Variants in ROS1 observed in about 807,000 individuals in gnomAD.
ROS1 encodes the protein ROS proto-oncogene 1, receptor tyrosine kinase.
A neutral mutation model predicts 273.5 loss-of-function variants in ROS1; 263 were observed. The ratio of observed to expected loss-of-function variants is 0.96; its 90% CI spans 0.87 to 1.06. The LOEUF is 1.06. ROS1 is among the 50% of genes least tolerant of loss of function. The pLI, the probability that ROS1 is intolerant of heterozygous loss-of-function variation, is 0.00. For synonymous variants in ROS1, 1,008 were observed against 954.1 expected (o/e 1.06, Z -1.04); for missense variants, 2,833 against 2,751.1 (o/e 1.03, Z -0.67).
At chr6:117,311,202 T>C (rs113375607) in intron 39 of ROS1, 85 bp from the exon 40 acceptor site, 2 of 687,202 alleles carry the variant, frequency 2.9e-6, no homozygotes, top group Non-Finnish European at 5.0e-6. Context: ...AGTGGATACA[T>C]GTATATGCAT....
intron 43 of ROS1, among the ~76,000 whole-genome samples, chr6:117,299,930 T>C (rs1304037871): frequency 1.3e-5 from 2 of 150,058 alleles, no homozygotes; most frequent in African/African-American, 4.9e-5. Flanking sequence ...TTATCTTTTT[T>C]TTTTTTTTTT....
chr6:117,381,961 C>A (rs746804047), intron 17 of ROS1, among the ~76,000 whole-genome samples: 1 of 151,974 alleles, frequency 6.6e-6, no homozygotes, highest in Non-Finnish European at 1.5e-5. Flanking sequence ...TGGGGAAGTC[C>A]CCAAGGTCAC....
chr6:117,398,086 G>A (rs889349543), intron 7 of ROS1, among the ~76,000 whole-genome samples: 5 of 151,688 alleles, frequency 3.3e-5, no homozygotes, highest in Admixed American at 6.6e-5. Context: ...ATCACTCCTC[G>A]GCTCCATGTA....
chr6:117,410,277 G>GC (rs1774797415), intron 4 of ROS1, among the ~76,000 whole-genome samples: 1 of 152,136 alleles, frequency 6.6e-6, no homozygotes, highest in South Asian at 2.1e-4. Flanking sequence ...TTATCTGCTT[G>GC]CCATTTTGGT....
intron 35 of ROS1, among the ~76,000 whole-genome samples, chr6:117,323,540 C>T (rs1367956068): frequency 6.6e-6 from 1 of 151,988 alleles, no homozygotes; most frequent in African/African-American, 2.4e-5. Flanking sequence ...AGATAGGGGT[C>T]CATATATCTT....
At chr6:117,316,300 G>T (rs907641868) in intron 39 of ROS1, among the ~76,000 whole-genome samples, 56 of 39,124 alleles carry the variant, frequency 1.4e-3, no homozygotes, top group African/African-American at 3.5e-3. Context: ...AGATACATGC[G>T]GGGCCTGAGA....
intron 43 of ROS1, among the ~76,000 whole-genome samples, chr6:117,295,628 C>G (rs1774177186): frequency 6.6e-6 from 1 of 152,014 alleles, no homozygotes; most frequent in Non-Finnish European, 1.5e-5. Context: ...ATAGGGAGCT[C>G]AAATAACTCG....
chr6:117,336,156 CTTT>C (rs1376476984), intron 32 of ROS1, among the ~76,000 whole-genome samples: 2 of 151,864 alleles, frequency 1.3e-5, no homozygotes, highest in Admixed American at 6.6e-5. Context: ...TCCCTCCATT[CTTT>C]TTTTCAAATT....
intron 32 of ROS1, among the ~76,000 whole-genome samples, chr6:117,334,297 A>G (rs1777306566): frequency 6.6e-6 from 1 of 152,218 alleles, no homozygotes; most frequent in Non-Finnish European, 1.5e-5. Context: ...AGGGATGTGA[A>G]GGACCTCTTC....
chr6:117,319,951 T>G lies in ROS1; in HGVS notation c.5839A>C (p.Ser1947Arg). The G allele has an allele frequency of 6.2e-7, 1 of 1,613,478 alleles. No homozygotes were observed. Among genetic ancestry groups the G allele is most frequent in the African/African-American group, 1.3e-5 (1 of 74,988 alleles). ...EKLTLRLLLG[S>R]GAFGEVYEGT... ...TCATACACTTCTCCAAAGGCTCCAC[T>G]TCCCAGCAAGAGACGCAGAGTCAGT... is the stretch of plus-strand genomic sequence containing the variant. Residue 1947 changes from serine (S) to arginine (R), a missense_variant, in exon 37 of 44, where the codon AGT becomes CGT. By Grantham distance (110) the Ser-to-Arg change is moderately radical (BLOSUM62 -1). Transcript: ENST00000368507.
At chr6:117,367,192 G>C (rs1366278588) in intron 18 of ROS1, among the ~76,000 whole-genome samples, 1 of 152,162 alleles carries the variant, frequency 6.6e-6, no homozygotes, top group East Asian at 1.9e-4. Context: ...TGAAGCAGAA[G>C]GGCTTTGGGA....
At chr6:117,340,931 C>T (rs1453861877) in intron 31 of ROS1, among the ~76,000 whole-genome samples, 1 of 152,002 alleles carries the variant, frequency 6.6e-6, no homozygotes, top group Non-Finnish European at 1.5e-5. Context: ...TACATAAAGC[C>T]TTTTAAAAGC....
intron 42 of ROS1, among the ~76,000 whole-genome samples, chr6:117,302,074 C>A (rs1285000516): frequency 1.3e-5 from 2 of 152,022 alleles, no homozygotes; most frequent in African/African-American, 4.8e-5. Context: ...AAGAGAAAGG[C>A]AAAATTCATC....
intron 18 of ROS1, among the ~76,000 whole-genome samples, chr6:117,378,559 A>G (rs1781531272): frequency 6.6e-6 from 1 of 152,170 alleles, no homozygotes; most frequent in Non-Finnish European, 1.5e-5. Context: ...CATTATGTAT[A>G]TTTTAACTAA....
At position 117,425,605 on chromosome 6, in the gene ROS1, C is replaced by T. The variant is rs1435247456; in HGVS notation, c.52G>A (p.Gly18Ser). Residue 18 changes from glycine to serine, a missense_variant, in exon 1 of 44, where the codon GGC becomes AGC. Coordinates refer to ENST00000368507, the MANE Select transcript of ROS1 (RefSeq NM_001378902.1). ...IPKLVNFATL[G>S]CLWISVVQCT... ...TGCACCACAGAAATCCATAGGCAGC[C>T]AAGAGTTGCAAAATTGACAAGCTTC... 6.2e-7 allele frequency: 1 copy of T among 1,612,260 alleles called. No individual in the cohort carries two copies. The highest frequency in any genetic ancestry group is 8.5e-7 in the Non-Finnish European group (1 of 1,179,340).
At chr6:117,419,353 T>C (rs1017276715) in intron 1 of ROS1, among the ~76,000 whole-genome samples, 1 of 152,212 alleles carries the variant, frequency 6.6e-6, no homozygotes, top group African/African-American at 2.4e-5. Context: ...ATCCAATGGC[T>C]TAATATTGTG....
chr6:117,353,050 C>A lies in ROS1; in HGVS notation c.4243G>T (p.Val1415Leu). The A allele has an allele frequency of 6.2e-7, 1 of 1,614,134 alleles. No homozygotes were observed. The highest frequency in any genetic ancestry group is 1.1e-5 in the South Asian group (1 of 91,080). ...KKGNGAIVSQ[V>L]KALRSRHILA... Reference sequence around the variant, plus strand: ...ATATGCCTACTCCTTAGGGCCTTCACCTGGGAAACGATGGCCCCATTTCCT... The same window carrying A: ...ATATGCCTACTCCTTAGGGCCTTCAACTGGGAAACGATGGCCCCATTTCCT... The change falls in exon 27 of 44, where the codon GTG (valine) becomes TTG (leucine). Residue 1415 changes from valine to leucine, a missense_variant. Val to Leu is a conservative substitution (Grantham distance 32). Transcript: ENST00000368507.
chr6:117,403,326 C>T, intron 6 of ROS1, 49 bp from the exon 7 acceptor site: 3 of 1,570,022 alleles, frequency 1.9e-6, no homozygotes, highest in Non-Finnish European at 2.6e-6. Context: ...CAGCACCCCA[C>T]ATTGGGACTA....
At chr6:117,378,358 C>T (rs1410299511) in intron 18 of ROS1, among the ~76,000 whole-genome samples, 2 of 152,052 alleles carry the variant, frequency 1.3e-5, no homozygotes, top group Non-Finnish European at 2.9e-5. Flanking sequence ...GTACACATAA[C>T]AAAGTGAATA....
Sources: allele counts gnomAD v4.1 joint callset (sites outside exome capture counted in the v4.1 genomes callset), GRCh38; gene constraint gnomAD v4.1.1; transcripts MANE v1.5; gene names NCBI Gene and HGNC (gene_info 2026-07-23, HGNC 2026-07-21).